The following PTPRD variants were observed in gnomAD, a reference collection of about 807,000 sequenced individuals.
PTPRD encodes the protein receptor-type tyrosine-protein phosphatase delta.
In PTPRD, 34 loss-of-function variants were observed where a neutral mutation model predicts 214.5. The ratio of observed to expected loss-of-function variants is 0.16; its 90% CI spans 0.12 to 0.21. PTPRD has a LOEUF of 0.21. Ranked by LOEUF, PTPRD falls within the 10% of genes least tolerant of loss-of-function variation. PTPRD has a pLI of 1.00. For synonymous variants in PTPRD, 1,128 were observed against 845.7 expected, an observed-to-expected ratio of 1.33 and a Z score of -5.79; for missense variants, 2,545 against 2,398.7, an observed-to-expected ratio of 1.06 and a Z score of -1.27.
At chr9:9,343,976 C>T (rs577777558) in intron 9 of PTPRD, among the ~76,000 whole-genome samples, 2 of 152,198 alleles carry the variant, frequency 1.3e-5, no homozygotes, top group African/African-American at 2.4e-5. Context: ...TATTTTTCTT[C>T]CTAACTGAGC....
chr9:8,686,902 T>C (rs1337438354), intron 12 of PTPRD, among the ~76,000 whole-genome samples: 2 of 152,320 alleles, frequency 1.3e-5, no homozygotes, highest in East Asian at 1.9e-4. Context: ...CAAACAAAAG[T>C]AGATCAACCA....
At chr9:10,053,844 C>A (rs191822643) in intron 3 of PTPRD, among the ~76,000 whole-genome samples, 5 of 152,204 alleles carry the variant, frequency 3.3e-5, no homozygotes, top group African/African-American at 1.2e-4. Context: ...CTGCAACCTC[C>A]GCCTCACGGG....
At chr9:8,550,061 A>C (rs933011153) in intron 14 of PTPRD, among the ~76,000 whole-genome samples, 9 of 152,328 alleles carry the variant, frequency 5.9e-5, no homozygotes, top group Non-Finnish European at 1.2e-4. Context: ...GGAATCAGTC[A>C]GAATTGAAAA....
chr9:10,343,033 T>A (rs2096973810), intron 2 of PTPRD, among the ~76,000 whole-genome samples: 1 of 152,200 alleles, frequency 6.6e-6, no homozygotes, highest in Non-Finnish European at 1.5e-5. Context: ...AACGTGCAGT[T>A]TTGATACCTA....
chr9:8,825,971 G>A (rs1372011265), intron 11 of PTPRD, among the ~76,000 whole-genome samples: 1 of 152,088 alleles, frequency 6.6e-6, no homozygotes, highest in African/African-American at 2.4e-5. Flanking sequence ...CCTGTATTTT[G>A]TACTGACCTT....
chr9:9,875,582 T>C (rs1424273223), intron 5 of PTPRD, among the ~76,000 whole-genome samples: 1 of 152,104 alleles, frequency 6.6e-6, no homozygotes, highest in Non-Finnish European at 1.5e-5. Flanking sequence ...ATTAGAATTA[T>C]TAAATTATCT....
At chr9:9,443,019 C>G (rs1345576633) in intron 8 of PTPRD, among the ~76,000 whole-genome samples, 4 of 151,974 alleles carry the variant, frequency 2.6e-5, no homozygotes, top group Non-Finnish European at 5.9e-5. Flanking sequence ...AGTATTCTTT[C>G]TTAAATTGGC....
chr9:8,342,644 A>G (rs1398572571), intron 39 of PTPRD, among the ~76,000 whole-genome samples: 2 of 152,058 alleles, frequency 1.3e-5, no homozygotes, highest in African/African-American at 4.8e-5. Context: ...CATTTGCTAC[A>G]TGCTATGTTT....
chr9:8,744,750 A>T (rs1333028278), intron 11 of PTPRD, among the ~76,000 whole-genome samples: 2 of 152,200 alleles, frequency 1.3e-5, no homozygotes, highest in Admixed American at 1.3e-4. Flanking sequence ...CCGCTAGAGA[A>T]CTTATGCACA....
At chr9:10,463,778 A>G (rs527368662) in intron 2 of PTPRD, among the ~76,000 whole-genome samples, 1 of 152,272 alleles carries the variant, frequency 6.6e-6, no homozygotes. Flanking sequence ...CAAGAAAAAA[A>G]GAGGTGTGAT....
At chr9:10,469,619 A>G (rs938015174) in intron 2 of PTPRD, among the ~76,000 whole-genome samples, 14 of 152,148 alleles carry the variant, frequency 9.2e-5, no homozygotes, top group African/African-American at 3.4e-4. Flanking sequence ...AAAGAACTAA[A>G]AATAGAGCTA....
chr9:9,890,341 T>A (rs950277274), intron 5 of PTPRD, among the ~76,000 whole-genome samples: 3 of 151,664 alleles, frequency 2.0e-5, no homozygotes, highest in African/African-American at 2.4e-5. Context: ...TAACTACAAG[T>A]GTTCCCTCCA....
chr9:9,893,827 G>C (rs868512520), intron 5 of PTPRD, among the ~76,000 whole-genome samples: 12 of 151,994 alleles, frequency 7.9e-5, no homozygotes, highest in Middle Eastern at 3.4e-3. Flanking sequence ...TTTATGTTTT[G>C]AGTTTTTTTT....
intron 3 of PTPRD, among the ~76,000 whole-genome samples, chr9:10,326,486 A>C (rs1402629304): frequency 4.0e-5 from 6 of 151,724 alleles, no homozygotes; most frequent in Admixed American, 6.6e-5. Flanking sequence ...AGCCAAAGCC[A>C]AAAAGTTGAA....
chr9:9,350,277 G>A (rs557342093), intron 9 of PTPRD, among the ~76,000 whole-genome samples: 2 of 152,042 alleles, frequency 1.3e-5, no homozygotes. Context: ...CAATTAGAAA[G>A]CTCAGAAGCA....
chr9:9,312,747 T>C (rs567860685), intron 9 of PTPRD, among the ~76,000 whole-genome samples: 77 of 152,264 alleles, frequency 5.1e-4, no homozygotes, highest in Non-Finnish European at 8.7e-4. Context: ...AATAAATGAA[T>C]GAATGAATGA....
intron 2 of PTPRD, among the ~76,000 whole-genome samples, chr9:10,403,464 C>A (rs574633361): frequency 1.3e-4 from 19 of 151,194 alleles, no homozygotes; most frequent in African/African-American, 4.1e-4. Context: ...TTAGAATTGA[C>A]AAAATCCACT....
chr9:8,442,310 TAG>T (rs1324689051), intron 34 of PTPRD, among the ~76,000 whole-genome samples: 7 of 151,856 alleles, frequency 4.6e-5, no homozygotes, highest in Non-Finnish European at 8.8e-5. Flanking sequence ...TTATTATCCA[TAG>T]AAAAATATTT....
chr9:10,316,247 A>G (rs914612082), intron 3 of PTPRD, among the ~76,000 whole-genome samples: 2 of 151,006 alleles, frequency 1.3e-5, no homozygotes, highest in African/African-American at 4.8e-5. Flanking sequence ...TACAAAATAT[A>G]AGAAAAGTAT....
Sources: gnomAD v4.1 joint callset for allele counts (sites outside exome capture counted in the v4.1 genomes callset) on GRCh38, gnomAD v4.1.1 for gene constraint, MANE v1.5 for transcripts, NCBI Gene and HGNC (gene_info 2026-07-23, HGNC 2026-07-21) for gene names.